The following WASHC4 variants were observed in gnomAD, a reference collection of about 807,000 sequenced individuals.
The protein encoded by WASHC4 is WASH complex subunit 7.
A neutral mutation model predicts 166.6 loss-of-function variants in WASHC4; 86 were observed. The ratio of observed to expected loss-of-function variants is 0.52; its 90% confidence interval spans 0.43 to 0.62. The LOEUF (loss-of-function observed/expected upper bound fraction) is 0.62, where lower values mean the gene tolerates loss of function less well. Ranked by LOEUF, WASHC4 falls within the 20% of genes least tolerant of loss-of-function variation. WASHC4 has a pLI of 0.00. For synonymous variants in WASHC4, 446 were observed against 451.6 expected (o/e 0.99, Z 0.16); for missense variants, 1,262 against 1,382.4 (o/e 0.91, Z 1.38).
At chr12:105,124,606 G>T (rs971761164) in intron 10 of WASHC4, among the ~76,000 whole-genome samples, 1 of 151,804 alleles carries the variant, frequency 6.6e-6, no homozygotes, top group Non-Finnish European at 1.5e-5. Context: ...TCAGCCTCCC[G>T]AGTAGCTGGG....
Position 105,126,339 on chromosome 12 carries a change from T to C in WASHC4, c.1015T>C (p.Ser339Pro). Reference protein sequence around the residue: ...FRTIDKKFYKSLLDICKKVPA... With the variant: ...FRTIDKKFYKPLLDICKKVPA... ...AACTATTGATAAAAAGTTTTATAAG[T>C]CTTTATTGGACATTTGTAAGAAGGT... Residue 339 changes from serine (S) to proline (P), a missense_variant, in exon 12 of 33, where the codon TCT (serine) becomes CCT (proline). Ser to Pro is a moderately conservative substitution (Grantham distance 74). Coordinates refer to ENST00000332180, the MANE Select transcript of WASHC4 (RefSeq NM_015275.3). The C allele has an allele frequency of 6.3e-7, 1 of 1,588,168 alleles. No individual in the cohort carries two copies. Among genetic ancestry groups the C allele is most frequent in the Non-Finnish European group, 8.6e-7 (1 of 1,157,998 alleles).
Position 105,126,246 on chromosome 12 carries a change from G to A in WASHC4, c.922G>A (p.Glu308Lys), listed in dbSNP as rs765013551. The A allele has an allele frequency of 1.2e-6, 2 of 1,612,680 alleles. No individual in the cohort carries two copies. The highest frequency in any genetic ancestry group is 1.7e-6 in the Non-Finnish European group (2 of 1,179,106). Residue 308 changes from glutamate (E) to lysine (K), a missense_variant, in exon 12 of 33, where the codon GAA becomes AAA. Transcript: ENST00000332180. ...NVEAKLGEPS[E>K]IDQRDKYVGI... ...TATTGATTTGTAAGGAGAACCTTCT[G>A]AAATTGACCAGAGAGACAAGTATGT...
At chr12:105,158,268 GA>G (rs1884296615) in intron 28 of WASHC4, among the ~76,000 whole-genome samples, 1 of 152,158 alleles carries the variant, frequency 6.6e-6, no homozygotes, top group Non-Finnish European at 1.5e-5. Flanking sequence ...GAGAACAGAG[GA>G]TTCATTCAGT....
chr12:105,151,946 T>G (rs1325193031), intron 25 of WASHC4, among the ~76,000 whole-genome samples: 11 of 152,244 alleles, frequency 7.2e-5, no homozygotes, highest in Admixed American at 7.2e-4. Flanking sequence ...CTAGAAATTT[T>G]AACCCAGCTG....
intron 24 of WASHC4, 151 bp downstream of exon 24, chr12:105,147,297 C>T: frequency 1.5e-6 from 1 of 648,650 alleles, no homozygotes; most frequent in Non-Finnish European, 2.8e-6. Flanking sequence ...ATTAAAATGT[C>T]TGGTCCTAAA....
At position 105,127,211 on chromosome 12, in the gene WASHC4, T is replaced by G. The variant is rs1025421633; in HGVS notation, c.1121T>G (p.Leu374Arg). 3 of 1,612,368 alleles carry G rather than the reference T, an allele frequency of 1.9e-6. No individual in the cohort carries two copies. In the South Asian group the frequency reaches 3.3e-5, roughly 18 times the overall value. The change falls in exon 13 of 33, where the codon CTG becomes CGG. Residue 374 changes from leucine to arginine, a missense_variant. Physicochemically the swap from Leu to Arg is moderately radical, Grantham distance 102. Coordinates refer to ENST00000332180, the MANE Select transcript of WASHC4 (RefSeq NM_015275.3). ...CAGAAAATACCAGCAGCTGCCAAAC[T>G]GCTAGACAGAAAAAGTCTTCAAGCC... is the stretch of plus-strand genomic sequence containing the variant. ...LIQKIPAAAK[L>R]LDRKSLQAIK... is the part of the protein sequence containing the mutation.
intron 18 of WASHC4, among the ~76,000 whole-genome samples, chr12:105,141,608 G>A (rs1443653222): frequency 1.3e-5 from 2 of 152,134 alleles, no homozygotes; most frequent in African/African-American, 2.4e-5. Context: ...TCCATGATAC[G>A]TAGTGTTCTA....
chr12:105,135,713 T>G (rs1882256574), intron 14 of WASHC4, among the ~76,000 whole-genome samples: 1 of 151,802 alleles, frequency 6.6e-6, no homozygotes, highest in African/African-American at 2.4e-5. Context: ...CTACTGAGTT[T>G]TAAATTTTAA....
At chr12:105,133,187 G>T (rs10861356) in intron 13 of WASHC4, among the ~76,000 whole-genome samples, 27,249 of 151,860 alleles carry the variant, frequency 0.18, 3,501 homozygotes, top group African/African-American at 0.36. Context: ...TCTAATCCCT[G>T]CTCACAGTGC....
At chr12:105,130,833 C>T (rs1436327262) in intron 13 of WASHC4, among the ~76,000 whole-genome samples, 1 of 152,228 alleles carries the variant, frequency 6.6e-6, no homozygotes, top group Non-Finnish European at 1.5e-5. Context: ...CTGGAAAATA[C>T]TGCCTTTAGA....
At chr12:105,164,051 G>C in intron 30 of WASHC4, 60 bp from the exon 31 acceptor site, 1 of 1,395,750 alleles carries the variant, frequency 7.2e-7, no homozygotes, top group Non-Finnish European at 1.0e-6. Flanking sequence ...ATTGGTGAAG[G>C]AGTAGAATAC....
chr12:105,115,919 A>C (rs1038111564), intron 6 of WASHC4, among the ~76,000 whole-genome samples, 191 bp downstream of exon 6: 2 of 152,126 alleles, frequency 1.3e-5, no homozygotes, highest in African/African-American at 4.8e-5. Flanking sequence ...TAGAGGAAAA[A>C]GCTATCAAAA....
chr12:105,145,111 T>A (rs1054288810), intron 22 of WASHC4, among the ~76,000 whole-genome samples: 1 of 151,600 alleles, frequency 6.6e-6, no homozygotes, highest in Non-Finnish European at 1.5e-5. Flanking sequence ...ATTCGAGATA[T>A]ACATATATAT....
At chr12:105,145,357 C>T (rs75441177) in intron 22 of WASHC4, among the ~76,000 whole-genome samples, 117 of 152,046 alleles carry the variant, frequency 7.7e-4, no homozygotes, top group African/African-American at 2.3e-3. Context: ...TACAGTATGG[C>T]ATTGTCTCAT....
At chr12:105,158,983 G>T (rs1029705688) in intron 28 of WASHC4, among the ~76,000 whole-genome samples, 3 of 152,192 alleles carry the variant, frequency 2.0e-5, no homozygotes, top group African/African-American at 7.2e-5. Flanking sequence ...ATGCATTTCT[G>T]TGAGAATAAG....
intron 26 of WASHC4, among the ~76,000 whole-genome samples, chr12:105,152,821 A>C (rs1162044769): frequency 1.3e-5 from 2 of 152,222 alleles, no homozygotes; most frequent in Non-Finnish European, 2.9e-5. Flanking sequence ...ATGTGAAGGT[A>C]TAAAATATTT....
At chr12:105,127,332 T>C in intron 13 of WASHC4, 43 bp downstream of exon 13, 1 of 1,331,914 alleles carries the variant, frequency 7.5e-7, no homozygotes, top group Non-Finnish European at 1.1e-6. Flanking sequence ...TTAGATATCC[T>C]TTATTTTCAA....
chr12:105,165,544 T>G (rs1884759983), intron 32 of WASHC4, among the ~76,000 whole-genome samples: 2 of 152,204 alleles, frequency 1.3e-5, no homozygotes, highest in African/African-American at 4.8e-5. Context: ...TTTACTAGTC[T>G]CCTTTTTGTC....
rs562222905 is a variant in WASHC4 at position 105,152,195 on chromosome 12, G to C, written c.2650-148G>C. On this transcript the variant is annotated intron_variant, in intron 25 of 32. Coordinates refer to ENST00000332180, the MANE Select transcript of WASHC4 (RefSeq NM_015275.3). The stretch of plus-strand genomic sequence containing the variant: ...AAAAGTTATATTGACCTTGAACATT[G>C]GTAGTGTATGAATTATTAATCTTAA... The C allele has an allele frequency of 5.0e-6, 3 of 606,034 alleles. No homozygotes were observed. In the East Asian group the frequency reaches 8.7e-5, roughly 18 times the overall value. 37.5% of individuals were successfully genotyped at this position (606,034 alleles called of 1,614,324 possible).
Sources: gnomAD v4.1 joint callset for allele counts (sites outside exome capture counted in the v4.1 genomes callset) on GRCh38, gnomAD v4.1.1 for gene constraint, MANE v1.5 for transcripts, NCBI Gene and HGNC (gene_info 2026-07-23, HGNC 2026-07-21) for gene names.